Variants in CNTNAP5 observed in about 807,000 individuals in gnomAD.
CNTNAP5 encodes the protein contactin associated protein family member 5, also known as contactin-associated protein-like 5.
In CNTNAP5, 72 loss-of-function variants were observed where a neutral mutation model predicts 150.2. The ratio of observed to expected loss-of-function variants is 0.48; its 90% CI spans 0.40 to 0.58. CNTNAP5 has a LOEUF of 0.58. CNTNAP5 is among the 20% of genes least tolerant of loss of function. The pLI is 0.00. For missense variants in CNTNAP5, 1,636 were observed against 1,626.2 expected, an observed-to-expected ratio of 1.01 and a Z score of -0.10; for synonymous variants, 672 against 619.8, an observed-to-expected ratio of 1.08 and a Z score of -1.25.
intron 1 of CNTNAP5, among the ~76,000 whole-genome samples, chr2:124,181,218 G>C (rs1219714616): frequency 6.6e-6 from 1 of 151,932 alleles, no homozygotes; most frequent in Non-Finnish European, 1.5e-5. Context: ...AATAACTATA[G>C]TAATTAGGAT....
chr2:124,848,219 C>G (rs1231080455), intron 19 of CNTNAP5, among the ~76,000 whole-genome samples: 1 of 152,198 alleles, frequency 6.6e-6, no homozygotes, highest in Non-Finnish European at 1.5e-5. Context: ...ATTCTACCTT[C>G]TGCTTCTATG....
chr2:124,716,002 A>G (rs1905207), intron 13 of CNTNAP5, among the ~76,000 whole-genome samples: 1 of 152,066 alleles, frequency 6.6e-6, no homozygotes, highest in African/African-American at 2.4e-5. Flanking sequence ...CTACTGAGGT[A>G]TATGTTTACA....
At position 124,921,030 on chromosome 2, in the gene CNTNAP5, A is replaced by T. The variant is rs1250531803; in HGVS notation, c.*6742A>T. Among the ~76,000 whole-genome samples, 3 of 152,238 alleles carry T rather than the reference A, an allele frequency of 2.0e-5. No homozygotes were observed. In the East Asian group the frequency reaches 5.8e-4, roughly 29 times the overall value. ...TGTTCCTAAAATAAAATCCCAAGTG[A>T]TGTTGCCTCATTCCAAGTCAGTTTT... On this transcript the variant is annotated 3_prime_UTR_variant, in exon 24 of 24. Transcript: ENST00000682447.
chr2:124,310,701 T>G (rs959172498), intron 3 of CNTNAP5, among the ~76,000 whole-genome samples: 1 of 152,146 alleles, frequency 6.6e-6, no homozygotes, highest in African/African-American at 2.4e-5. Context: ...TTATGGAAAT[T>G]TTCATTAAGA....
chr2:124,671,184 G>T (rs1326368804), intron 13 of CNTNAP5, among the ~76,000 whole-genome samples: 2 of 152,164 alleles, frequency 1.3e-5, no homozygotes, highest in East Asian at 1.9e-4. Context: ...TCACTACCAA[G>T]AAATGTTTAG....
At chr2:124,259,031 C>T (rs1448260899) in intron 3 of CNTNAP5, among the ~76,000 whole-genome samples, 15 of 135,598 alleles carry the variant, frequency 1.1e-4, no homozygotes, top group Non-Finnish European at 1.6e-4. Context: ...CAACAGGCCC[C>T]GGTGTGTGAT....
intron 4 of CNTNAP5, among the ~76,000 whole-genome samples, chr2:124,423,135 T>C (rs79917883): frequency 0.013 from 2,010 of 152,304 alleles, 37 homozygotes; most frequent in African/African-American, 0.045. Flanking sequence ...AGTTGGGTAA[T>C]CTTGGGCAAT....
At chr2:124,175,166 C>T (rs1685029561) in intron 1 of CNTNAP5, among the ~76,000 whole-genome samples, 1 of 152,006 alleles carries the variant, frequency 6.6e-6, no homozygotes, top group African/African-American at 2.4e-5. Flanking sequence ...TGGAACAAGA[C>T]TTGCAATATT....
At chr2:124,246,656 G>T (rs1004945707) in intron 3 of CNTNAP5, among the ~76,000 whole-genome samples, 1 of 152,116 alleles carries the variant, frequency 6.6e-6, no homozygotes, top group Non-Finnish European at 1.5e-5. Context: ...TATGCCAGAA[G>T]AAACATGTAC....
chr2:124,368,471 T>A (rs1052113591), intron 3 of CNTNAP5, among the ~76,000 whole-genome samples: 1 of 152,138 alleles, frequency 6.6e-6, no homozygotes, highest in South Asian at 2.1e-4. Context: ...AGGAAGTTCA[T>A]TTACAGAAAT....
chr2:124,808,951 C>T (rs1573631185), intron 19 of CNTNAP5, among the ~76,000 whole-genome samples: 1 of 152,116 alleles, frequency 6.6e-6, no homozygotes, highest in East Asian at 1.9e-4. Flanking sequence ...ATTTTGTGGC[C>T]CTGTTCCCAG....
At chr2:124,816,186 C>T (rs1682356977) in intron 19 of CNTNAP5, among the ~76,000 whole-genome samples, 1 of 152,114 alleles carries the variant, frequency 6.6e-6, no homozygotes, top group Non-Finnish European at 1.5e-5. Flanking sequence ...GAAGAGCAAA[C>T]GTTTCTTATC....
In CNTNAP5 at chr2:124,607,106, C is replaced by T. The variant is rs72841380; in HGVS notation, c.1757-2695C>T. ...CTGTAGTCTAATGAGACAATTTATA[C>T]TTCGAGAGTTGATTAGCTACCTATT... On this transcript the variant is annotated intron_variant, in intron 11 of 23. Coordinates refer to ENST00000682447, the MANE Select transcript of CNTNAP5 (RefSeq NM_001367498.1). Among the ~76,000 whole-genome samples, 5 of 152,234 alleles carry T rather than the reference C, an allele frequency of 3.3e-5. No individual in the cohort carries two copies. In the East Asian group the frequency reaches 5.8e-4, roughly 18 times the overall value.
intron 1 of CNTNAP5, among the ~76,000 whole-genome samples, chr2:124,195,932 C>T (rs1447483132): frequency 6.6e-6 from 1 of 152,114 alleles, no homozygotes; most frequent in Non-Finnish European, 1.5e-5. Flanking sequence ...AAATTGCCCA[C>T]AGTGAGTTAG....
intron 1 of CNTNAP5, among the ~76,000 whole-genome samples, chr2:124,072,249 A>C (rs1682323645): frequency 6.6e-6 from 1 of 151,722 alleles, no homozygotes; most frequent in Non-Finnish European, 1.5e-5. Context: ...CATGTATGAC[A>C]GACCCACAGC....
chr2:124,419,972 CTT>C lies in CNTNAP5; in HGVS notation c.529+2384_529+2385del, dbSNP rs58433515. Among the ~76,000 whole-genome samples, 693 of 87,848 alleles carry C rather than the reference CTT, an allele frequency of 7.9e-3. 99 individuals are homozygous for C. The highest frequency in any genetic ancestry group is 0.048 in the Admixed American group (367 of 7,678). The allele number at this position is 87,848 out of a possible 152,430, so 57.6% of individuals were successfully genotyped here. A position where few individuals can be genotyped will look rare whatever the true frequency, so the allele number is the denominator to read the frequency against. ...TCTTTCTTTCCTTTTCTCTCTCTCT[CTT>C]TCTTTCTTTCTTTCTTTTTTTTTTT... is the stretch of plus-strand genomic sequence containing the variant. On this transcript the variant is annotated intron_variant, in intron 4 of 23. Transcript: ENST00000682447.
At chr2:124,346,584 C>T (rs1689741727) in intron 3 of CNTNAP5, among the ~76,000 whole-genome samples, 1 of 152,010 alleles carries the variant, frequency 6.6e-6, no homozygotes, top group African/African-American at 2.4e-5. Context: ...AAATCAACTA[C>T]CAATGCTTCT....
At chr2:124,038,931 C>T (rs544387299) in intron 1 of CNTNAP5, among the ~76,000 whole-genome samples, 8 of 152,326 alleles carry the variant, frequency 5.3e-5, no homozygotes, top group African/African-American at 1.7e-4. Flanking sequence ...GTGTGCCCCA[C>T]CTGCCTCTGC....
chr2:124,126,136 T>G (rs1203957285), intron 1 of CNTNAP5, among the ~76,000 whole-genome samples: 1 of 152,070 alleles, frequency 6.6e-6, no homozygotes, highest in Non-Finnish European at 1.5e-5. Flanking sequence ...GCTGGTTTTT[T>G]GAAAAGATCA....
Sources: gnomAD v4.1 joint callset for allele counts (sites outside exome capture counted in the v4.1 genomes callset) on GRCh38, gnomAD v4.1.1 for gene constraint, MANE v1.5 for transcripts, NCBI Gene and HGNC (gene_info 2026-07-23, HGNC 2026-07-21) for gene names.